The following PPFIBP1 variants were observed in gnomAD, a reference collection of about 807,000 sequenced individuals.
The protein encoded by PPFIBP1 is liprin-beta-1.
Under a neutral mutation model 137.8 loss-of-function variants are expected in PPFIBP1, and 112 were observed. The observed-to-expected ratio is 0.81, with a 90% CI of 0.70 to 0.95. PPFIBP1 has a LOEUF of 0.95. Among genes scored for constraint, PPFIBP1 ranks in the 40% least tolerant of loss-of-function variants. PPFIBP1 has a pLI of 0.00. For missense variants in PPFIBP1, 1,083 were observed against 1,196.6 expected (o/e 0.91, Z 1.40); for synonymous variants, 378 against 417.3 (o/e 0.91, Z 1.15).
intron 1 of PPFIBP1, among the ~76,000 whole-genome samples, chr12:27,559,334 A>C (rs2048973137): frequency 1.3e-5 from 2 of 151,804 alleles, no homozygotes; most frequent in Admixed American, 6.6e-5. Flanking sequence ...AAGCCTGGCT[A>C]ATTTTTGTAT....
chr12:27,640,946 A>G (rs2058072822), intron 4 of PPFIBP1, among the ~76,000 whole-genome samples: 1 of 152,184 alleles, frequency 6.6e-6, no homozygotes, highest in Non-Finnish European at 1.5e-5. Flanking sequence ...ACTAGAGATA[A>G]TGTTTACTTA....
rs777833090 is a variant in PPFIBP1, at chr12:27,633,347, C to T, written c.-35-15C>T. The T allele has an allele frequency of 6.4e-7, 1 of 1,564,056 alleles. No homozygotes were observed. Among genetic ancestry groups the T allele is most frequent in the Non-Finnish European group, 8.8e-7 (1 of 1,135,640 alleles). On this transcript the variant is annotated splice_polypyrimidine_tract_variant and intron_variant, in intron 2 of 29. Coordinates refer to ENST00000228425, the MANE Select transcript of PPFIBP1 (RefSeq NM_003622.4). The stretch of plus-strand genomic sequence containing the variant: ...GTCATTTAATGGATGTAATGATAAC[C>T]TTATTTTTTTTCAGATCTGGGTTGG...
chr12:27,646,172 C>A (rs753931428), intron 5 of PPFIBP1, 24 bp downstream of exon 5: 3 of 1,549,244 alleles, frequency 1.9e-6, no homozygotes, highest in African/African-American at 1.4e-5. Context: ...AAATACTGTT[C>A]TTTCCTTGCA....
At chr12:27,621,353 C>T (rs1382996031) in intron 2 of PPFIBP1, among the ~76,000 whole-genome samples, 1 of 152,174 alleles carries the variant, frequency 6.6e-6, no homozygotes, top group African/African-American at 2.4e-5. Flanking sequence ...GCTTTACTTT[C>T]CTCCTTCTCA....
At position 27,659,254 on chromosome 12, in the gene PPFIBP1, A is replaced by G. The variant is rs1465912970; in HGVS notation, c.844+406A>G. ...GCTTTTCAATGTTTTGAAGTCCACT[A>G]TTTGTCTGGGATCTATTAGAAGCTC... On this transcript the variant is annotated intron_variant, in intron 10 of 29. Transcript: ENST00000228425. Among the ~76,000 whole-genome samples, 5 of 152,284 alleles carry G rather than the reference A, an allele frequency of 3.3e-5. No individual in the cohort carries two copies. The East Asian group carries it at 9.6e-4, about 29-fold the overall frequency.
At chr12:27,670,671 G>A (rs1443129202) in intron 13 of PPFIBP1, among the ~76,000 whole-genome samples, 1 of 151,970 alleles carries the variant, frequency 6.6e-6, no homozygotes, top group Non-Finnish European at 1.5e-5. Context: ...CCAACTACTT[G>A]ATAGGGCTAA....
rs35066032 is a variant in PPFIBP1 at position 27,594,174 on chromosome 12, A to ATTT, written c.-36+15954_-36+15956dup. ...AAAAACATTATCCATCCCCTTTTCT[A>ATTT]TTTTTTTTTTTTTTTTTTTTTGAGA... On this transcript the variant is annotated intron_variant, in intron 2 of 29. Coordinates refer to ENST00000228425, the MANE Select transcript of PPFIBP1 (RefSeq NM_003622.4). The ATTT allele has an allele frequency of 1.4e-3, 193 of 139,736 alleles. 2 individuals are homozygous for ATTT. The highest frequency in any genetic ancestry group is 3.2e-3 in the Middle Eastern group (1 of 310). The allele number at this position is 139,736 out of a possible 1,614,324, so 8.7% of individuals were successfully genotyped here. A position where few individuals can be genotyped will look rare whatever the true frequency, so the allele number is the denominator to read the frequency against.
intron 2 of PPFIBP1, among the ~76,000 whole-genome samples, chr12:27,590,542 A>G (rs190218520): frequency 2.0e-4 from 31 of 152,298 alleles, no homozygotes; most frequent in Admixed American, 1.4e-3. Flanking sequence ...CTCACAGTCT[A>G]CAGGTAAAAT....
intron 1 of PPFIBP1, among the ~76,000 whole-genome samples, chr12:27,546,028 G>A (rs756048694): frequency 6.6e-5 from 10 of 152,160 alleles, no homozygotes; most frequent in Non-Finnish European, 1.0e-4. Context: ...AACCTTTGAC[G>A]GTGATCTGCG....
At chr12:27,582,786 C>T (rs961591296) in intron 2 of PPFIBP1, among the ~76,000 whole-genome samples, 15 of 152,182 alleles carry the variant, frequency 9.9e-5, no homozygotes, top group Admixed American at 3.3e-4. Flanking sequence ...AGCAGCTTTC[C>T]GATTGAAATA....
Position 27,634,903 on chromosome 12 carries a change from A to G in PPFIBP1, c.65-7A>G. Reference sequence around the variant, plus strand: ...CATTGCTCTCTCTGTGATTTTGTTTAACTTAGGTTCTAAGGCTCTGGAATA... The same window carrying G: ...CATTGCTCTCTCTGTGATTTTGTTTGACTTAGGTTCTAAGGCTCTGGAATA... On this transcript the variant is annotated splice_region_variant and splice_polypyrimidine_tract_variant and intron_variant, in intron 3 of 29. Coordinates refer to ENST00000228425, the MANE Select transcript of PPFIBP1 (RefSeq NM_003622.4). The G allele has an allele frequency of 6.2e-7, 1 of 1,612,094 alleles. No individual in the cohort carries two copies.
chr12:27,664,492 T>A, intron 12 of PPFIBP1, 46 bp downstream of exon 12: 1 of 1,337,196 alleles, frequency 7.5e-7, no homozygotes, highest in Non-Finnish European at 1.1e-6. Flanking sequence ...TGACTCTAAG[T>A]GGCTATAAAC....
intron 19 of PPFIBP1, among the ~76,000 whole-genome samples, chr12:27,678,878 A>AAAAC (rs2060705219): frequency 2.1e-5 from 3 of 146,014 alleles, no homozygotes; most frequent in African/African-American, 7.8e-5. Context: ...AAAAAAAAAA[A>AAAAC]AAACATTTAA....
chr12:27,554,944 A>G (rs1592425744), intron 1 of PPFIBP1, among the ~76,000 whole-genome samples: 2 of 151,842 alleles, frequency 1.3e-5, no homozygotes, highest in African/African-American at 2.4e-5. Flanking sequence ...CAGGGCTGCT[A>G]TTATAAAACA....
Position 27,694,184 on chromosome 12 carries a change from A to G in PPFIBP1, c.*1302A>G, listed in dbSNP as rs2061681094. On this transcript the variant is annotated 3_prime_UTR_variant, in exon 30 of 30. Transcript: ENST00000228425. ...CCTTCACACCTGGCTGATTTTTCAA[A>G]AAGTTTTTTTGTAGAAACAGGGTCT... is the stretch of plus-strand genomic sequence containing the variant. 6.6e-6 allele frequency: 1 copy of G among 151,610 alleles called. No individual in the cohort carries two copies. 9.4% of individuals were successfully genotyped at this position (151,610 alleles called of 1,614,324 possible).
chr12:27,677,005 T>C, intron 18 of PPFIBP1, 59 bp from the exon 19 acceptor site: 1 of 1,612,776 alleles, frequency 6.2e-7, no homozygotes. Flanking sequence ...CATTTTGTCA[T>C]CTCTGTGTTC....
chr12:27,669,035 T>C (rs1222995916), intron 13 of PPFIBP1, among the ~76,000 whole-genome samples: 1 of 152,230 alleles, frequency 6.6e-6, no homozygotes, highest in Non-Finnish European at 1.5e-5. Context: ...GTTTCATTGT[T>C]TAAACAATCT....
chr12:27,662,251 C>T (rs1223646730), intron 11 of PPFIBP1, among the ~76,000 whole-genome samples: 2 of 152,202 alleles, frequency 1.3e-5, no homozygotes, highest in Non-Finnish European at 2.9e-5. Flanking sequence ...TGAAACAGCG[C>T]AGTGCATGCT....
chr12:27,655,653 C>T (rs1046707940), intron 8 of PPFIBP1, among the ~76,000 whole-genome samples: 3 of 152,106 alleles, frequency 2.0e-5, no homozygotes, highest in Non-Finnish European at 2.9e-5. Flanking sequence ...AGAAGCAGCA[C>T]GGTGAGAACA....
Sources: allele counts gnomAD v4.1 joint callset (sites outside exome capture counted in the v4.1 genomes callset), GRCh38; gene constraint gnomAD v4.1.1; transcripts MANE v1.5; gene names NCBI Gene and HGNC (gene_info 2026-07-23, HGNC 2026-07-21).